The following PRKG1 variants were observed in gnomAD, a reference collection of about 807,000 sequenced individuals.
PRKG1 encodes cGMP-dependent protein kinase 1.
A neutral mutation model predicts 88.1 loss-of-function variants in PRKG1; 35 were observed. The ratio of observed to expected loss-of-function variants is 0.40; its 90% confidence interval spans 0.30 to 0.53. The LOEUF (loss-of-function observed/expected upper bound fraction) is 0.53. Among genes scored for constraint, PRKG1 ranks in the 20% least tolerant of loss-of-function variants. PRKG1 has a pLI of 0.59. For synonymous variants in PRKG1, 303 were observed against 292.5 expected (o/e 1.04, Z -0.37); for missense variants, 540 against 839.8 (o/e 0.64, Z 4.41).
At chr10:51,564,937 T>A (rs75703038) in intron 3 of PRKG1, among the ~76,000 whole-genome samples, 10,504 of 152,106 alleles carry the variant, frequency 0.069, 1,181 homozygotes, top group African/African-American at 0.24. Flanking sequence ...AATAGCATTC[T>A]CCAATTTCTC....
chr10:51,114,051 C>A (rs1845045646), intron 1 of PRKG1, among the ~76,000 whole-genome samples: 1 of 149,444 alleles, frequency 6.7e-6, no homozygotes, highest in Admixed American at 6.7e-5. Context: ...AATTGATTTC[C>A]TTAGCTCAGA....
At chr10:52,190,441 T>C (rs965558100) in intron 9 of PRKG1, among the ~76,000 whole-genome samples, 1 of 152,224 alleles carries the variant, frequency 6.6e-6, no homozygotes, top group African/African-American at 2.4e-5. Context: ...ACATTTTTAA[T>C]AAATATGAAT....
chr10:52,225,760 A>C (rs572426689), intron 9 of PRKG1, among the ~76,000 whole-genome samples: 4 of 151,890 alleles, frequency 2.6e-5, no homozygotes, highest in African/African-American at 7.3e-5. Flanking sequence ...TCCCCACTTT[A>C]TCTTTTTGTT....
chr10:51,337,476 C>T (rs940859736), intron 2 of PRKG1, among the ~76,000 whole-genome samples: 1 of 151,992 alleles, frequency 6.6e-6, no homozygotes, highest in East Asian at 1.9e-4. Flanking sequence ...GAACAGGCAA[C>T]CTACAGAGTG....
At chr10:51,506,946 A>G (rs1236690228) in intron 3 of PRKG1, among the ~76,000 whole-genome samples, 2 of 152,234 alleles carry the variant, frequency 1.3e-5, no homozygotes, top group East Asian at 1.9e-4. Context: ...TATGACACAT[A>G]TTCACCATGG....
At chr10:52,266,673 C>T (rs1432176543) in intron 10 of PRKG1, among the ~76,000 whole-genome samples, 2 of 151,882 alleles carry the variant, frequency 1.3e-5, no homozygotes, top group African/African-American at 2.4e-5. Context: ...TGATACATAA[C>T]ACTTTTATTT....
At chr10:51,907,419 T>C (rs1371150930) in intron 4 of PRKG1, 88 bp from the exon 5 acceptor site, 1 of 1,070,570 alleles carries the variant, frequency 9.3e-7, no homozygotes, top group East Asian at 2.6e-5. Flanking sequence ...AATAGTTTTG[T>C]ATTTTAATTA....
At chr10:51,151,422 A>G (rs1380761924) in intron 1 of PRKG1, among the ~76,000 whole-genome samples, 4 of 152,014 alleles carry the variant, frequency 2.6e-5, no homozygotes, top group African/African-American at 4.8e-5. Flanking sequence ...ATATAAACCT[A>G]TTCAGCTGAT....
chr10:51,533,442 C>A (rs1842065219), intron 3 of PRKG1, among the ~76,000 whole-genome samples: 1 of 152,088 alleles, frequency 6.6e-6, no homozygotes, highest in Non-Finnish European at 1.5e-5. Context: ...GACCCTCAAG[C>A]ATTGATTGTC....
rs1715435193 is a variant in PRKG1 at position 51,175,478 on chromosome 10, A to G, written c.478+22148A>G. ...ATACTTTATCTTCAATTTATTTTCA[A>G]TTATAAGATTATCAAATTATCTGTT... On this transcript the variant is annotated intron_variant, in intron 2 of 17. Coordinates refer to ENST00000373980, the MANE Select transcript of PRKG1 (RefSeq NM_006258.4). 2.6e-5 allele frequency among the ~76,000 whole-genome samples: 4 copies of G among 151,990 alleles called. No homozygotes were observed. In the South Asian group the frequency reaches 8.3e-4, roughly 31 times the overall value.
chr10:52,080,526 A>G (rs938060312), intron 7 of PRKG1, among the ~76,000 whole-genome samples: 10 of 152,162 alleles, frequency 6.6e-5, no homozygotes, highest in African/African-American at 2.4e-4. Context: ...TTAGGAGTCC[A>G]TGAAATGAAG....
chr10:51,949,236 A>T (rs1040347665), intron 5 of PRKG1, among the ~76,000 whole-genome samples: 18 of 152,246 alleles, frequency 1.2e-4, no homozygotes, highest in African/African-American at 4.3e-4. Flanking sequence ...TCAAAAAGGG[A>T]TGGTTTGCAT....
At chr10:51,978,979 A>G (rs915724548) in intron 5 of PRKG1, among the ~76,000 whole-genome samples, 1 of 152,038 alleles carries the variant, frequency 6.6e-6, no homozygotes, top group South Asian at 2.1e-4. Flanking sequence ...TGCTCTGGCC[A>G]GGTCTTCTGA....
chr10:52,186,203 G>A (rs909892773), intron 9 of PRKG1, among the ~76,000 whole-genome samples: 1 of 152,150 alleles, frequency 6.6e-6, no homozygotes. Flanking sequence ...CTTCTGGTGA[G>A]AGCCTTAGGA....
intron 2 of PRKG1, among the ~76,000 whole-genome samples, chr10:51,400,210 CTG>C (rs1252012103): frequency 6.6e-6 from 1 of 151,848 alleles, no homozygotes; most frequent in Non-Finnish European, 1.5e-5. Flanking sequence ...CTTATAAAGA[CTG>C]TATTTTTGTA....
intron 3 of PRKG1, among the ~76,000 whole-genome samples, chr10:51,723,453 C>A (rs1451383459): frequency 1.3e-5 from 2 of 152,088 alleles, no homozygotes; most frequent in Non-Finnish European, 2.9e-5. Flanking sequence ...AAGAGAACAT[C>A]ACACAACAGG....
chr10:51,984,004 T>C (rs953246224), intron 5 of PRKG1, among the ~76,000 whole-genome samples: 2 of 152,230 alleles, frequency 1.3e-5, no homozygotes, highest in African/African-American at 4.8e-5. Flanking sequence ...TGGCCATATA[T>C]GTAGTTCTGG....
intron 7 of PRKG1, among the ~76,000 whole-genome samples, chr10:52,117,162 A>G (rs370459130): frequency 1.9e-4 from 9 of 46,978 alleles, no homozygotes; most frequent in African/African-American, 6.6e-4. Flanking sequence ...TATGTGAAAT[A>G]TCTGTGTGTG....
chr10:51,628,116 T>TTC (rs1477943652), intron 3 of PRKG1, among the ~76,000 whole-genome samples: 13 of 132,704 alleles, frequency 9.8e-5, no homozygotes, highest in Non-Finnish European at 1.9e-4. Flanking sequence ...CTTTCCTTCT[T>TTC]TATTTCTCTT....
Sources: allele counts gnomAD v4.1 joint callset (sites outside exome capture counted in the v4.1 genomes callset), GRCh38; gene constraint gnomAD v4.1.1; transcripts MANE v1.5; gene names NCBI Gene and HGNC (gene_info 2026-07-23, HGNC 2026-07-21).